Variants in SH3KBP1 observed in about 807,000 individuals in gnomAD.
SH3KBP1 encodes SH3 domain containing kinase binding protein 1.
A neutral mutation model predicts 50.1 loss-of-function variants in SH3KBP1; 8 were observed. That is an observed-to-expected ratio of 0.16 (90% CI 0.09 to 0.29). SH3KBP1 has a LOEUF of 0.29. Ranked by LOEUF, SH3KBP1 falls within the 10% of genes least tolerant of loss-of-function variation. The probability of loss-of-function intolerance (pLI) is 1.00; values close to 1 mark genes in which losing one functional copy is unlikely to be tolerated. For missense variants in SH3KBP1, 377 were observed against 535.2 expected, an observed-to-expected ratio of 0.70 and a Z score of 2.92; for synonymous variants, 227 against 218.6, an observed-to-expected ratio of 1.04 and a Z score of -0.34.
At chrX:19,811,473 G>C (rs1388669923) in intron 2 of SH3KBP1, among the ~76,000 whole-genome samples, 1 of 111,702 alleles carries the variant, frequency 9.0e-6, no homozygotes, top group Non-Finnish European at 1.9e-5. Flanking sequence ...CTGGACCGAA[G>C]CCTTCGGCAG....
At chrX:19,568,005 C>A (rs2065901958) in intron 13 of SH3KBP1, among the ~76,000 whole-genome samples, 1 of 110,844 alleles carries the variant, frequency 9.0e-6, no homozygotes, top group South Asian at 3.8e-4. Context: ...GAAAGAGAAA[C>A]ATTGCATGTT....
intron 12 of SH3KBP1, among the ~76,000 whole-genome samples, chrX:19,572,835 C>T (rs765062542): frequency 8.9e-6 from 1 of 112,158 alleles, no homozygotes; most frequent in South Asian, 3.7e-4. Flanking sequence ...TGAATGCTTA[C>T]GTTGCAATGT....
At chrX:19,757,145 CTTTTTT>C (rs34733630) in intron 2 of SH3KBP1, among the ~76,000 whole-genome samples, 2 of 74,714 alleles carry the variant, frequency 2.7e-5, no homozygotes, top group Non-Finnish European at 2.6e-5. Context: ...TTATTGACTG[CTTTTTT>C]TTTTTTTTTT....
intron 9 of SH3KBP1, among the ~76,000 whole-genome samples, chrX:19,601,007 T>C (rs1340521444): frequency 1.8e-5 from 2 of 111,536 alleles, no homozygotes; most frequent in Admixed American, 1.9e-4. Context: ...CGGGAATTCA[T>C]TTCACAAGAA....
At position 19,710,918 on chromosome X, in the gene SH3KBP1, T is replaced by G. The variant is rs760069445; in HGVS notation, c.287-3934A>C. On this transcript the variant is annotated intron_variant, in intron 3 of 17. Coordinates refer to ENST00000397821, the MANE Select transcript of SH3KBP1 (RefSeq NM_031892.3). ...CCCTTCCATTTGTGACCATTTACTG[T>G]TTAATAAAATAGTAACATTTATTGA... is the stretch of plus-strand genomic sequence containing the variant. Among the ~76,000 whole-genome samples, 3 of 111,764 alleles carry G rather than the reference T, an allele frequency of 2.7e-5. No individual in the cohort carries two copies. In the South Asian group the frequency reaches 1.1e-3, roughly 42 times the overall value.
intron 3 of SH3KBP1, among the ~76,000 whole-genome samples, chrX:19,741,929 G>A (rs759095222): frequency 9.0e-6 from 1 of 111,350 alleles, no homozygotes; most frequent in Admixed American, 9.5e-5. Context: ...TTCAGAGAGA[G>A]GCAGAGATAC....
chrX:19,709,978 T>C (rs958632112), intron 3 of SH3KBP1, among the ~76,000 whole-genome samples: 1 of 111,368 alleles, frequency 9.0e-6, no homozygotes, highest in Non-Finnish European at 1.9e-5. Context: ...GGAAAAAAAC[T>C]TATGACTTGC....
At chrX:19,826,685 A>AATAACATAAC (rs3036641) in intron 2 of SH3KBP1, among the ~76,000 whole-genome samples, 2,240 of 89,657 alleles carry the variant, frequency 0.025, 42 homozygotes, top group East Asian at 0.054. Flanking sequence ...ACTGTCTCTA[A>AATAACATAAC]ATAACATAAC....
chrX:19,832,818 C>G (rs917875906), intron 2 of SH3KBP1, among the ~76,000 whole-genome samples: 1 of 111,835 alleles, frequency 8.9e-6, no homozygotes, highest in Non-Finnish European at 1.9e-5. Flanking sequence ...AAGACATCAC[C>G]TCCATTTCAC....
At chrX:19,614,241 T>C (rs1296631287) in intron 8 of SH3KBP1, among the ~76,000 whole-genome samples, 2 of 112,715 alleles carry the variant, frequency 1.8e-5, no homozygotes, top group African/African-American at 6.4e-5. Flanking sequence ...CTTGCCAGCA[T>C]GGCCCCGTGT....
At chrX:19,576,774 G>A (rs1222124852) in intron 12 of SH3KBP1, among the ~76,000 whole-genome samples, 1 of 111,662 alleles carries the variant, frequency 9.0e-6, no homozygotes, top group Non-Finnish European at 1.9e-5. Flanking sequence ...CCTACTATGC[G>A]CAGCCCCTTG....
At chrX:19,808,454 T>C (rs2067116216) in intron 2 of SH3KBP1, among the ~76,000 whole-genome samples, 1 of 110,932 alleles carries the variant, frequency 9.0e-6, no homozygotes, top group African/African-American at 3.3e-5. Flanking sequence ...ATAAGCCTTT[T>C]GCTCCTTAAA....
At chrX:19,570,506 A>ATAC (rs2065975903) in intron 12 of SH3KBP1, among the ~76,000 whole-genome samples, 1 of 111,507 alleles carries the variant, frequency 9.0e-6, no homozygotes, top group African/African-American at 3.3e-5. Flanking sequence ...GCTGGGCCGG[A>ATAC]TACTACAGGG....
At chrX:19,639,176 G>A (rs756396760) in intron 7 of SH3KBP1, among the ~76,000 whole-genome samples, 1 of 111,440 alleles carries the variant, frequency 9.0e-6, no homozygotes, top group Non-Finnish European at 1.9e-5. Flanking sequence ...CGATGTGTCC[G>A]TCAGTATGTC....
chrX:19,759,841 G>A (rs1328057718), intron 2 of SH3KBP1, among the ~76,000 whole-genome samples: 1 of 111,227 alleles, frequency 9.0e-6, no homozygotes, highest in East Asian at 2.8e-4. Flanking sequence ...CCTAAGTAAT[G>A]AAGCATTTCA....
At chrX:19,588,204 A>T in intron 12 of SH3KBP1, 1 of 492,741 alleles carries the variant, frequency 2.0e-6, no homozygotes, top group Non-Finnish European at 3.0e-6. Flanking sequence ...AGCCTGGGCT[A>T]TGGAAAGAAG....
chrX:19,712,929 C>T (rs904421539), intron 3 of SH3KBP1, among the ~76,000 whole-genome samples: 1 of 111,672 alleles, frequency 9.0e-6, no homozygotes, highest in Non-Finnish European at 1.9e-5. Context: ...GAGCCGTTTA[C>T]AAAAACTGAT....
At chrX:19,559,485 C>T (rs1405502345) in intron 13 of SH3KBP1, among the ~76,000 whole-genome samples, 9 of 105,187 alleles carry the variant, frequency 8.6e-5, no homozygotes, top group African/African-American at 3.1e-4. Flanking sequence ...GGCCACCACA[C>T]CCACCTAAAA....
At chrX:19,760,663 A>G (rs1390399057) in intron 2 of SH3KBP1, among the ~76,000 whole-genome samples, 1 of 111,041 alleles carries the variant, frequency 9.0e-6, no homozygotes, top group African/African-American at 3.3e-5. Flanking sequence ...TGACACTTCA[A>G]TTCCTGGTTC....
Sources: allele counts gnomAD v4.1 joint callset (sites outside exome capture counted in the v4.1 genomes callset), GRCh38; gene constraint gnomAD v4.1.1; transcripts MANE v1.5; gene names NCBI Gene and HGNC (gene_info 2026-07-23, HGNC 2026-07-21).